SMAD1: variants seen among roughly 807,000 people sequenced by gnomAD.
The protein encoded by SMAD1 is MAD, mothers against decapentaplegic homolog 1.
Under a neutral mutation model 41.6 loss-of-function variants are expected in SMAD1, and 6 were observed. That is an observed-to-expected ratio of 0.14 (90% confidence interval 0.08 to 0.28). The LOEUF (loss-of-function observed/expected upper bound fraction) is 0.28. Among genes scored for constraint, SMAD1 ranks in the 10% least tolerant of loss-of-function variants. The probability of loss-of-function intolerance (pLI) is 1.00; values close to 1 mark genes in which losing one functional copy is unlikely to be tolerated. For missense variants in SMAD1, 379 were observed against 582.6 expected (o/e 0.65, Z 3.60); for synonymous variants, 206 against 203.2 (o/e 1.01, Z -0.12).
chr4:145,521,665 AGAG>A (rs1184574039), intron 2 of SMAD1, among the ~76,000 whole-genome samples: 1 of 152,168 alleles, frequency 6.6e-6, no homozygotes. Context: ...GGGGCCAAGA[AGAG>A]GAAAGAGGGG....
chr4:145,536,921 T>A (rs976533284), intron 2 of SMAD1, among the ~76,000 whole-genome samples: 1 of 152,084 alleles, frequency 6.6e-6, no homozygotes, highest in Admixed American at 6.6e-5. Context: ...TGATACCACT[T>A]ATCTAGTAGT....
Position 145,482,525 on chromosome 4 carries a change from C to T in SMAD1, c.-177+487C>T, listed in dbSNP as rs1188910185. The stretch of plus-strand genomic sequence containing the variant: ...GCCGGCGGGGCGACCCCTGCGGGAG[C>T]TGGAGGACGACCGCTGGCGCTGCTC... On this transcript the variant is annotated intron_variant, in intron 1 of 6. Coordinates refer to ENST00000302085, the MANE Select transcript of SMAD1 (RefSeq NM_005900.3). This position sits in a 1 kb window ranked among gnomAD's most constrained non-coding sequence, Gnocchi z 4.2. The T allele has an allele frequency of 3.3e-5, 5 of 151,840 alleles. No individual in the cohort carries two copies. Among genetic ancestry groups the T allele is most frequent in the Admixed American group, 6.5e-5 (1 of 15,278 alleles). 9.4% of individuals were successfully genotyped at this position (151,840 alleles called of 1,614,324 possible).
At chr4:145,523,079 T>G (rs887506761) in intron 2 of SMAD1, among the ~76,000 whole-genome samples, 1 of 152,244 alleles carries the variant, frequency 6.6e-6, no homozygotes, top group African/African-American at 2.4e-5. Flanking sequence ...AGCAATAATA[T>G]TAACTATAAA....
chr4:145,554,653 G>A (rs1578835720), intron 6 of SMAD1, among the ~76,000 whole-genome samples: 1 of 152,142 alleles, frequency 6.6e-6, no homozygotes, highest in Non-Finnish European at 1.5e-5. Flanking sequence ...AGAGGTTAAA[G>A]ACATTGCTCA....
intron 1 of SMAD1, chr4:145,503,829 T>C (rs1272799915): frequency 6.6e-6 from 1 of 152,214 alleles, no homozygotes; most frequent in African/African-American, 2.4e-5. Context: ...TGAATTAGTA[T>C]GTCTACATTG....
rs763917182 is a variant in SMAD1 at position 145,557,735 on chromosome 4, A to G, written c.1255-56A>G. 255 of 1,383,796 alleles carry G rather than the reference A, an allele frequency of 1.8e-4. 1 individual carries two copies. The highest frequency in any genetic ancestry group is 2.2e-4 in the Non-Finnish European group (223 of 1,006,478). The allele number at this position is 1,383,796 out of a possible 1,614,324, so 85.7% of individuals were successfully genotyped here. ...TGGTTATGTGAACTCTTCTTACTTA[A>G]TAAGTTTAACCACTGAGTTAAACAA... On this transcript the variant is annotated intron_variant, in intron 6 of 6. Transcript: ENST00000302085.
intron 1 of SMAD1, among the ~76,000 whole-genome samples, chr4:145,507,410 T>C (rs1469413254): frequency 6.6e-6 from 1 of 152,056 alleles, no homozygotes; most frequent in Non-Finnish European, 1.5e-5. Context: ...AATTATTACG[T>C]AGTCTTTATG....
At chr4:145,495,134 G>A (rs7699931) in intron 1 of SMAD1, among the ~76,000 whole-genome samples, 13,963 of 152,178 alleles carry the variant, frequency 0.092, 1,944 homozygotes, top group African/African-American at 0.3. Flanking sequence ...GGGAGACGCT[G>A]GAGGGTTGCA....
chr4:145,510,523 T>C (rs1304349863), intron 1 of SMAD1, among the ~76,000 whole-genome samples: 1 of 152,178 alleles, frequency 6.6e-6, no homozygotes, highest in East Asian at 1.9e-4. Context: ...ATTTTAAAGT[T>C]TGGTTCTTTT....
chr4:145,505,651 C>G (rs746698423), intron 1 of SMAD1, among the ~76,000 whole-genome samples: 14 of 151,070 alleles, frequency 9.3e-5, no homozygotes, highest in Non-Finnish European at 1.6e-4. Flanking sequence ...CTACAAAATT[C>G]ATGCAGTTTG....
chr4:145,545,674 C>T (rs1732214877), intron 4 of SMAD1: 1 of 151,970 alleles, frequency 6.6e-6, no homozygotes, highest in Non-Finnish European at 1.5e-5. Flanking sequence ...GTGCTTCTCC[C>T]TTAGCAGTTG....
intron 1 of SMAD1, among the ~76,000 whole-genome samples, chr4:145,509,934 T>A (rs1424028718): frequency 6.6e-6 from 1 of 152,204 alleles, no homozygotes; most frequent in Non-Finnish European, 1.5e-5. Context: ...AAATTATTCA[T>A]CAGGCATTTA....
rs771498383 is a variant in SMAD1, at chr4:145,519,088, CTTTTTTTTTTTT to C, written c.400+4089_400+4100del. Among the ~76,000 whole-genome samples the C allele has an allele frequency of 3.2e-4, 11 of 34,892 alleles. 3 individuals carry two copies. Among genetic ancestry groups the C allele is most frequent in the Non-Finnish European group, 5.0e-4 (8 of 16,026 alleles). 22.9% of individuals were successfully genotyped at this position (34,892 alleles called of 152,430 possible). ...ACCATTTTTTTGTTTGTTTGGTTGGCTTTTTTTTTTTTTTTTTTTTTTTTTGAGGTAGAGTCT... is the reference window on the plus strand; with the variant it reads ...ACCATTTTTTTGTTTGTTTGGTTGGCTTTTTTTTTTTTTGAGGTAGAGTCT... On this transcript the variant is annotated intron_variant, in intron 2 of 6. Transcript: ENST00000302085.
At chr4:145,504,511 A>G (rs1729654572) in intron 1 of SMAD1, among the ~76,000 whole-genome samples, 1 of 152,164 alleles carries the variant, frequency 6.6e-6, no homozygotes, top group South Asian at 2.1e-4. Flanking sequence ...TACAATTCCT[A>G]CTGTCTGCTA....
At chr4:145,506,924 T>C (rs1183287804) in intron 1 of SMAD1, among the ~76,000 whole-genome samples, 2 of 152,172 alleles carry the variant, frequency 1.3e-5, no homozygotes, top group Non-Finnish European at 2.9e-5. Context: ...TATTAAGGAA[T>C]AACACATAAG....
At position 145,546,848 on chromosome 4, in the gene SMAD1, C is replaced by G. The variant is rs375411684; in HGVS notation, c.921C>G (p.Asn307Lys). 3.6e-5 allele frequency: 58 copies of G among 1,614,056 alleles called. No homozygotes were observed. Among genetic ancestry groups the G allele is most frequent in the Non-Finnish European group, 4.4e-5 (52 of 1,180,034 alleles). Residue 307 changes from asparagine (N) to lysine (K), a missense_variant, in exon 5 of 7, where the codon AAC becomes AAG. This residue lies in a region of SMAD1 where 107 missense variants were observed against 218.3 expected (regional missense o/e 0.49). Transcript: ENST00000302085. ...DGFTDPSNNK[N>K]RFCLGLLSNV... Reference sequence around the variant, plus strand: ...TCACTGATCCTTCCAACAATAAGAACCGTTTCTGCCTTGGGCTGCTCTCCA... The same window carrying G: ...TCACTGATCCTTCCAACAATAAGAAGCGTTTCTGCCTTGGGCTGCTCTCCA...
rs1274878726 is a variant in SMAD1, at chr4:145,514,884, G to C, written c.271G>C (p.Val91Leu). The C allele has an allele frequency of 1.9e-6, 3 of 1,613,972 alleles. No homozygotes were observed. The highest frequency in any genetic ancestry group is 2.5e-6 in the Non-Finnish European group (3 of 1,180,046). The change falls in exon 2 of 7, where the codon GTG (valine) becomes CTG (leucine). Residue 91 changes from valine (V) to leucine (L), a missense_variant. Around this residue, in one of 3 missense-constraint regions of SMAD1, gnomAD observed 64 missense variants for 153.9 expected, o/e 0.42. Transcript: ENST00000302085. This position sits in a 1 kb window ranked among gnomAD's most constrained non-coding sequence, Gnocchi z 4.7. The part of the protein sequence containing the change: ...KGLPHVIYCR[V>L]WRWPDLQSHH... ...ACTGCCTCATGTCATTTACTGCCGT[G>C]TGTGGCGCTGGCCCGATCTTCAGAG...
At chr4:145,554,563 A>G (rs551825575) in intron 6 of SMAD1, among the ~76,000 whole-genome samples, 3 of 152,282 alleles carry the variant, frequency 2.0e-5, no homozygotes, top group East Asian at 1.9e-4. Context: ...TTTTCTTACA[A>G]TTCAGAAGTT....
At chr4:145,551,924 T>A (rs887038360) in intron 5 of SMAD1, among the ~76,000 whole-genome samples, 1 of 152,252 alleles carries the variant, frequency 6.6e-6, no homozygotes, top group Non-Finnish European at 1.5e-5. Context: ...GAGACATTTA[T>A]CATGGCATTA....
Sources: allele counts gnomAD v4.1 joint callset (sites outside exome capture counted in the v4.1 genomes callset), GRCh38; gene constraint gnomAD v4.1.1; regional missense constraint gnomAD v4.1.1; non-coding constraint Gnocchi (gnomAD v3.1); transcripts MANE v1.5; gene names NCBI Gene and HGNC (gene_info 2026-07-23, HGNC 2026-07-21).